Variants in PTCHD4 observed in about 807,000 individuals in gnomAD.
PTCHD4 encodes the protein patched domain containing 4, also known as patched domain-containing protein 4.
PTCHD4 carries 33 observed loss-of-function variants against 58.1 expected under a neutral mutation model. The observed-to-expected ratio is 0.57, with a 90% CI of 0.43 to 0.76. The LOEUF is 0.76. Ranked by LOEUF, PTCHD4 falls within the 30% of genes least tolerant of loss-of-function variation. The pLI, the probability that PTCHD4 is intolerant of heterozygous loss-of-function variation, is 0.00. For missense variants in PTCHD4, 1,058 were observed against 1,027.1 expected, an observed-to-expected ratio of 1.03 and a Z score of -0.41; for synonymous variants, 478 against 409.6, an observed-to-expected ratio of 1.17 and a Z score of -2.02.
At chr6:47,902,144 C>T (rs528524068) in intron 4 of PTCHD4, among the ~76,000 whole-genome samples, 42 of 152,264 alleles carry the variant, frequency 2.8e-4, no homozygotes, top group African/African-American at 9.6e-4. Context: ...TATGGATGTA[C>T]TCCATTTTAA....
chr6:47,900,489 A>G (rs1764662572), intron 4 of PTCHD4: 2 of 152,184 alleles, frequency 1.3e-5, no homozygotes, highest in South Asian at 4.1e-4. Context: ...TTAAGCTGTA[A>G]TAGTCCTTTA....
intron 4 of PTCHD4, among the ~76,000 whole-genome samples, chr6:48,003,840 C>T (rs1467843306): frequency 2.0e-5 from 3 of 152,166 alleles, no homozygotes; most frequent in Non-Finnish European, 4.4e-5. Flanking sequence ...TCTTCAGCTT[C>T]GCCAAGCAAG....
At chr6:47,886,542 G>T (rs1282576663) in intron 4 of PTCHD4, among the ~76,000 whole-genome samples, 9 of 152,022 alleles carry the variant, frequency 5.9e-5, no homozygotes, top group Non-Finnish European at 1.3e-4. Context: ...CTTTCCCTTA[G>T]AAGTTATTTC....
intron 4 of PTCHD4, among the ~76,000 whole-genome samples, chr6:47,978,795 GT>G (rs140116780): frequency 2.8e-4 from 42 of 152,198 alleles, no homozygotes; most frequent in African/African-American, 9.9e-4. Flanking sequence ...ATTTTTCCAT[GT>G]TTCTTCAAAT....
chr6:48,058,476 T>C (rs1254477616), intron 3 of PTCHD4, among the ~76,000 whole-genome samples: 1 of 152,156 alleles, frequency 6.6e-6, no homozygotes, highest in East Asian at 1.9e-4. Context: ...AGCATAGAGA[T>C]GCCATTGAAA....
At position 48,004,291 on chromosome 6, in the gene PTCHD4, C is replaced by T. The variant is rs562134226; in HGVS notation, c.898+4343G>A. Among the ~76,000 whole-genome samples, 8 of 152,208 alleles carry T rather than the reference C, an allele frequency of 5.3e-5. No homozygotes were observed. In the South Asian group the frequency reaches 1.5e-3, roughly 28 times the overall value. On this transcript the variant is annotated intron_variant, in intron 4 of 4. Coordinates refer to ENST00000339488, the MANE Select transcript of PTCHD4 (RefSeq NM_001384253.1). ...TGCAAAAAACGAGTCATCACTGTGT[C>T]CTGTGGTGTCAAGCTGACTGAAGTG...
rs973720508 is a variant in PTCHD4, at chr6:47,870,731, G to A, written c.*7572C>T. Among the ~76,000 whole-genome samples, 4 of 151,662 alleles carry A rather than the reference G, an allele frequency of 2.6e-5. No individual in the cohort carries two copies. The highest frequency in any genetic ancestry group is 2.0e-4 in the East Asian group (1 of 5,122). On this transcript the variant is annotated 3_prime_UTR_variant, in exon 5 of 5. Coordinates refer to ENST00000339488, the MANE Select transcript of PTCHD4 (RefSeq NM_001384253.1). ...ATTTTTGGATGGAAATACAACTTGG[G>A]TAATGTTTTTTTGATTTGACATTTT...
chr6:47,886,926 A>T (rs1764210592), intron 4 of PTCHD4, among the ~76,000 whole-genome samples: 1 of 152,118 alleles, frequency 6.6e-6, no homozygotes, highest in African/African-American at 2.4e-5. Flanking sequence ...TCCAACCCAA[A>T]TCACAGTACT....
At chr6:47,937,325 G>A (rs1561966723) in intron 4 of PTCHD4, among the ~76,000 whole-genome samples, 1 of 152,188 alleles carries the variant, frequency 6.6e-6, no homozygotes, top group East Asian at 1.9e-4. Flanking sequence ...GGACCAGTAA[G>A]GTAACAATGG....
chr6:47,868,408 A>G lies in PTCHD4; in HGVS notation c.*9895T>C, dbSNP rs1466890346. Reference sequence around the variant, plus strand: ...AAAATTCAAGAAAATGAAACAAAACAACAACAAAAGCTTCTGAATATGGGC... The same window carrying G: ...AAAATTCAAGAAAATGAAACAAAACGACAACAAAAGCTTCTGAATATGGGC... On this transcript the variant is annotated 3_prime_UTR_variant, in exon 5 of 5. Transcript: ENST00000339488. Among the ~76,000 whole-genome samples, 10 of 151,774 alleles carry G rather than the reference A, an allele frequency of 6.6e-5. No homozygotes were observed. The highest frequency in any genetic ancestry group is 2.1e-4 in the South Asian group (1 of 4,832).
rs140665004 is a variant in PTCHD4, at chr6:48,055,734, C to G, written c.417+12496G>C. Among the ~76,000 whole-genome samples the G allele has an allele frequency of 7.7e-4, 117 of 152,356 alleles. 1 individual carries two copies. Among genetic ancestry groups the G allele is most frequent in the African/African-American group, 2.7e-3 (113 of 41,592 alleles). On this transcript the variant is annotated intron_variant, in intron 3 of 4. Coordinates refer to ENST00000339488, the MANE Select transcript of PTCHD4 (RefSeq NM_001384253.1). ...TTAAACTAGTTCAAACCCTGAGCTT[C>G]TCTCATTCCCCTGAGGTGTTCTTGC...
intron 4 of PTCHD4, among the ~76,000 whole-genome samples, chr6:47,942,605 G>A (rs1435205137): frequency 6.6e-6 from 1 of 152,152 alleles, no homozygotes; most frequent in African/African-American, 2.4e-5. Flanking sequence ...AAAAAAGCAG[G>A]TCTTTTCAGT....
chr6:48,010,108 A>G (rs1762612769), intron 3 of PTCHD4, among the ~76,000 whole-genome samples: 1 of 152,246 alleles, frequency 6.6e-6, no homozygotes, highest in African/African-American at 2.4e-5. Flanking sequence ...CATTTATTTC[A>G]ATGGCAATGG....
chr6:47,915,716 C>G (rs928212233), intron 4 of PTCHD4, among the ~76,000 whole-genome samples: 1 of 151,992 alleles, frequency 6.6e-6, no homozygotes, highest in Non-Finnish European at 1.5e-5. Context: ...TTTATAATTA[C>G]CATCTTTATT....
chr6:48,027,516 T>C (rs1763290407), intron 3 of PTCHD4, among the ~76,000 whole-genome samples: 1 of 152,164 alleles, frequency 6.6e-6, no homozygotes, highest in Non-Finnish European at 1.5e-5. Flanking sequence ...TACCTTAAAA[T>C]TGTTTCCAAA....
Position 47,878,823 on chromosome 6 carries a change from A to G in PTCHD4, c.2012T>C (p.Leu671Pro). The change falls in exon 5 of 5, where the codon CTG (leucine) becomes CCG (proline). Residue 671 changes from leucine (L) to proline (P), a missense_variant. Transcript: ENST00000339488. ...AGFGVLLVLILTFFLVIHPLG... is the reference protein window; with the variant it reads ...AGFGVLLVLIPTFFLVIHPLG... Reference sequence around the variant, plus strand: ...AGGGTGGATCACTAGGAAAAAAGTCAGGATTAACACCAGGAGAACACCAAA... The same window carrying G: ...AGGGTGGATCACTAGGAAAAAAGTCGGGATTAACACCAGGAGAACACCAAA... The G allele has an allele frequency of 6.2e-7, 1 of 1,613,730 alleles. No homozygotes were observed. The highest frequency in any genetic ancestry group is 8.5e-7 in the Non-Finnish European group (1 of 1,179,754).
Position 47,882,741 on chromosome 6 carries a change from G to GATATATATATATATATATATATATAT in PTCHD4, c.899-2806_899-2805insATATATATATATATATATATATATAT, listed in dbSNP as rs1554149146. Reference sequence around the variant, plus strand: ...TGAATCCATTTCTAATGATTCCAGTGATATATATATATATATTCCTTAAAT... The same window carrying GATATATATATATATATATATATATAT: ...TGAATCCATTTCTAATGATTCCAGTGATATATATATATATATATATATATATATATATATATATATATTCCTTAAAT... On this transcript the variant is annotated intron_variant, in intron 4 of 4. Transcript: ENST00000339488. Among the ~76,000 whole-genome samples, 711 of 102,144 alleles carry GATATATATATATATATATATATATAT rather than the reference G, an allele frequency of 7.0e-3. 15 individuals carry two copies. Among genetic ancestry groups the GATATATATATATATATATATATATAT allele is most frequent in the Middle Eastern group, 0.015 (3 of 196 alleles). The allele number at this position is 102,144 out of a possible 152,430, so 67.0% of individuals were successfully genotyped here. A position where few individuals can be genotyped will look rare whatever the true frequency, so the allele number is the denominator to read the frequency against.
chr6:48,001,107 G>T (rs1768704280), intron 4 of PTCHD4, among the ~76,000 whole-genome samples: 1 of 151,866 alleles, frequency 6.6e-6, no homozygotes. Context: ...AATAAAAGAG[G>T]ATACAAAAAA....
chr6:47,891,976 T>C (rs992252870), intron 4 of PTCHD4, among the ~76,000 whole-genome samples: 6 of 152,180 alleles, frequency 3.9e-5, no homozygotes, highest in Non-Finnish European at 1.5e-5. Context: ...CCAGAAGGAT[T>C]TGAATATCCA....
Sources: gnomAD v4.1 joint callset for allele counts (sites outside exome capture counted in the v4.1 genomes callset) on GRCh38, gnomAD v4.1.1 for gene constraint, MANE v1.5 for transcripts, NCBI Gene and HGNC (gene_info 2026-07-23, HGNC 2026-07-21) for gene names.